DCLK2: variants seen among roughly 807,000 people sequenced by gnomAD.
DCLK2 encodes the protein serine/threonine-protein kinase DCLK2.
In DCLK2, 31 loss-of-function variants were observed where a neutral mutation model predicts 78.4. The ratio of observed to expected loss-of-function variants is 0.40; its 90% CI spans 0.30 to 0.53. The LOEUF is 0.53. Among genes scored for constraint, DCLK2 ranks in the 20% least tolerant of loss-of-function variants. DCLK2 has a pLI of 0.61. For synonymous variants in DCLK2, 407 were observed against 374.9 expected (o/e 1.09, Z -0.99); for missense variants, 872 against 973.7 (o/e 0.90, Z 1.39).
At chr4:150,089,217 A>G (rs1216923386) in intron 1 of DCLK2, among the ~76,000 whole-genome samples, 1 of 152,190 alleles carries the variant, frequency 6.6e-6, no homozygotes, top group Non-Finnish European at 1.5e-5. Flanking sequence ...TGAATTCTTT[A>G]TCACTTGCAC....
intron 4 of DCLK2, chr4:150,199,189 A>G (rs1739286062): frequency 2.1e-6 from 2 of 953,682 alleles, no homozygotes; most frequent in Non-Finnish European, 3.2e-6. Context: ...GGCTTATTCC[A>G]GTGCACATCT....
chr4:150,159,066 AT>A (rs1338329701), intron 2 of DCLK2, among the ~76,000 whole-genome samples: 1 of 152,014 alleles, frequency 6.6e-6, no homozygotes, highest in Non-Finnish European at 1.5e-5. Flanking sequence ...AGGGATTTGA[AT>A]TTTTTTCTTT....
At chr4:150,254,992 G>T (rs1164948240) in intron 15 of DCLK2, among the ~76,000 whole-genome samples, 1 of 152,156 alleles carries the variant, frequency 6.6e-6, no homozygotes, top group Non-Finnish European at 1.5e-5. Flanking sequence ...ATGGATGACT[G>T]TTCAGCTTGA....
At chr4:150,223,936 T>C (rs1321497782) in intron 7 of DCLK2, among the ~76,000 whole-genome samples, 2 of 152,008 alleles carry the variant, frequency 1.3e-5, no homozygotes, top group Non-Finnish European at 2.9e-5. Context: ...GGGCTAATGT[T>C]GTTAATGGAC....
At chr4:150,227,003 G>C (rs543054610) in intron 8 of DCLK2, among the ~76,000 whole-genome samples, 4 of 152,230 alleles carry the variant, frequency 2.6e-5, no homozygotes, top group Non-Finnish European at 4.4e-5. Flanking sequence ...TATTTATCCA[G>C]GCTTGGATAT....
intron 4 of DCLK2, among the ~76,000 whole-genome samples, chr4:150,198,476 T>C (rs1739223817): frequency 9.2e-6 from 1 of 108,428 alleles, no homozygotes; most frequent in East Asian, 2.1e-4. Flanking sequence ...CACATGCACA[T>C]GCACACACTC....
In DCLK2 at chr4:150,193,227, C is replaced by T. The variant is rs2126375504; in HGVS notation, c.846C>T (p.Val282=). ...EKFRYAQDDF[V]LDHSECRVLK... Reference sequence around the variant, plus strand: ...TTCGTTATGCCCAAGATGACTTTGTCCTGGATCATAGTGGTAAGGCAATTC... The same window carrying T: ...TTCGTTATGCCCAAGATGACTTTGTTCTGGATCATAGTGGTAAGGCAATTC... Residue 282 remains valine (V), a synonymous_variant, in exon 3 of 16, where the codon GTC becomes GTT. Coordinates refer to ENST00000296550, the MANE Select transcript of DCLK2 (RefSeq NM_001040260.4). The T allele has an allele frequency of 6.2e-7, 1 of 1,606,926 alleles. No individual in the cohort carries two copies. The highest frequency in any genetic ancestry group is 1.7e-5 in the Admixed American group (1 of 59,954).
Position 150,239,884 on chromosome 4 carries a change from T to A in DCLK2, c.1700+9T>A. On this transcript the variant is annotated intron_variant, in intron 11 of 15. Coordinates refer to ENST00000296550, the MANE Select transcript of DCLK2 (RefSeq NM_001040260.4). ...ATCATTGCTGAAACTGGGTAAGACT[T>A]CTGGTGGCCCTGGTTAGTACTTTAA... is the stretch of plus-strand genomic sequence containing the variant. The A allele has an allele frequency of 1.2e-6, 2 of 1,613,864 alleles. No homozygotes were observed. Among genetic ancestry groups the A allele is most frequent in the Non-Finnish European group, 1.7e-6 (2 of 1,179,934 alleles).
At chr4:150,232,608 C>A in intron 9 of DCLK2, 74 bp from the exon 10 acceptor site, 1 of 1,546,210 alleles carries the variant, frequency 6.5e-7, no homozygotes, top group South Asian at 1.2e-5. Flanking sequence ...TGCTTTATGC[C>A]AATGAGCCAT....
At chr4:150,136,979 C>CTTTTTTTT (rs35729685) in intron 2 of DCLK2, among the ~76,000 whole-genome samples, 41 of 82,398 alleles carry the variant, frequency 5.0e-4, no homozygotes, top group South Asian at 1.3e-3. Flanking sequence ...TCTTCTTCTT[C>CTTTTTTTT]TTTTTTTTTT....
At chr4:150,190,296 T>C (rs545119201) in intron 2 of DCLK2, among the ~76,000 whole-genome samples, 2 of 138,124 alleles carry the variant, frequency 1.4e-5, no homozygotes, top group East Asian at 2.0e-4. Context: ...GATAGATAGA[T>C]AGGCAGACAG....
intron 1 of DCLK2, among the ~76,000 whole-genome samples, chr4:150,102,130 G>A (rs72965507): frequency 0.047 from 7,181 of 152,210 alleles, 525 homozygotes; most frequent in African/African-American, 0.16. Flanking sequence ...GAGGTTTGGG[G>A]AATCAGGAAG....
chr4:150,146,072 G>A (rs1734447348), intron 2 of DCLK2, among the ~76,000 whole-genome samples: 2 of 152,132 alleles, frequency 1.3e-5, no homozygotes, highest in African/African-American at 4.8e-5. Flanking sequence ...AGTGCTGGAG[G>A]CCATCTGATT....
intron 2 of DCLK2, among the ~76,000 whole-genome samples, chr4:150,150,022 G>A (rs1325990540): frequency 6.6e-6 from 1 of 152,140 alleles, no homozygotes; most frequent in Admixed American, 6.5e-5. Flanking sequence ...GTGTATGGGA[G>A]TGTGTATAGA....
intron 5 of DCLK2, among the ~76,000 whole-genome samples, chr4:150,215,043 T>G (rs753337242): frequency 2.0e-5 from 3 of 151,680 alleles, no homozygotes; most frequent in Admixed American, 6.6e-5. Flanking sequence ...TTTTCCAAAA[T>G]GCATTCAAGA....
chr4:150,109,087 A>G (rs1731472149), intron 2 of DCLK2, among the ~76,000 whole-genome samples: 1 of 152,112 alleles, frequency 6.6e-6, no homozygotes, highest in South Asian at 2.1e-4. Context: ...TAACATAAAT[A>G]ATATTTATTT....
At chr4:150,137,278 G>C (rs57613522) in intron 2 of DCLK2, among the ~76,000 whole-genome samples, 55,261 of 151,944 alleles carry the variant, frequency 0.36, 11,135 homozygotes, top group South Asian at 0.61. Context: ...CTCTCATCCT[G>C]CTTCCACCAG....
At position 150,102,560 on chromosome 4, in the gene DCLK2, C is replaced by G; in HGVS notation, c.504C>G (p.Asn168Lys). 1 of 1,614,174 alleles carries G rather than the reference C, an allele frequency of 6.2e-7. No individual in the cohort carries two copies. The highest frequency in any genetic ancestry group is 1.3e-5 in the African/African-American group (1 of 75,044). The change falls in exon 2 of 16, where the codon AAC becomes AAG. Residue 168 changes from asparagine to lysine, a missense_variant. Physicochemically the swap from Asn to Lys is moderately conservative, Grantham distance 94. Around this residue, in one of 3 missense-constraint regions of DCLK2, gnomAD observed 567 missense variants for 593.4 expected, o/e 0.96. Coordinates refer to ENST00000296550, the MANE Select transcript of DCLK2 (RefSeq NM_001040260.4). The part of the protein sequence containing the change: ...TKNINPNWSV[N>K]IKGGTSRALA... ...ATATTAATCCAAACTGGTCTGTGAA[C>G]ATCAAGGGTGGGACATCCCGAGCGC...
At chr4:150,121,092 A>T (rs1157351576) in intron 2 of DCLK2, among the ~76,000 whole-genome samples, 1 of 152,060 alleles carries the variant, frequency 6.6e-6, no homozygotes, top group Admixed American at 6.6e-5. Context: ...ACTGACAATC[A>T]TCTGAGCCTT....
Sources: allele counts gnomAD v4.1 joint callset (sites outside exome capture counted in the v4.1 genomes callset), GRCh38; gene constraint gnomAD v4.1.1; regional missense constraint gnomAD v4.1.1; transcripts MANE v1.5; gene names NCBI Gene and HGNC (gene_info 2026-07-23, HGNC 2026-07-21).